The following TMC6 variants were observed in gnomAD, a reference collection of about 807,000 sequenced individuals.
The protein encoded by TMC6 is transmembrane channel like 6.
TMC6 carries 71 observed loss-of-function variants against 95.4 expected under a neutral mutation model. That is an observed-to-expected ratio of 0.74 (90% CI 0.61 to 0.91). TMC6 has a LOEUF of 0.91. Among genes scored for constraint, TMC6 ranks in the 40% least tolerant of loss-of-function variants. The pLI, the probability that TMC6 is intolerant of heterozygous loss-of-function variation, is 0.00. For synonymous variants in TMC6, 514 were observed against 483.1 expected (o/e 1.06, Z -0.84); for missense variants, 1,074 against 1,079.1 (o/e 1.00, Z 0.07).
intron 9 of TMC6, among the ~76,000 whole-genome samples, chr17:78,123,612 A>AATGGGTGGATGGGTGG (rs202143281): frequency 6.5e-5 from 7 of 107,050 alleles, no homozygotes; most frequent in Admixed American, 3.9e-4. Context: ...TGAATGGATG[A>AATGGGTGGATGGGTGG]ATGGGTGGAT....
chr17:78,115,299 C>G (rs1001470113), intron 18 of TMC6, among the ~76,000 whole-genome samples: 1 of 152,232 alleles, frequency 6.6e-6, no homozygotes, highest in Non-Finnish European at 1.5e-5. Flanking sequence ...CCTTGGCAGA[C>G]GCCAGCCGCT....
Position 78,112,946 on chromosome 17 carries a change from T to C in TMC6, c.*202A>G. 1.6e-6 allele frequency: 1 copy of C among 625,790 alleles called. No homozygotes were observed. Among genetic ancestry groups the C allele is most frequent in the South Asian group, 1.9e-5 (1 of 53,210 alleles). The allele number at this position is 625,790 out of a possible 1,614,324, so 38.8% of individuals were successfully genotyped here. On this transcript the variant is annotated 3_prime_UTR_variant, in exon 20 of 20. Coordinates refer to ENST00000590602, the MANE Select transcript of TMC6 (RefSeq NM_001127198.5). ...ATTTGCAAAACCCCTTTAATCAGAA[T>C]AAATAGAGTCCCAGGCAGGGCAGAG...
At position 78,113,260 on chromosome 17, in the gene TMC6, C is replaced by T. The variant is rs752638433; in HGVS notation, c.2355-49G>A. On this transcript the variant is annotated intron_variant, in intron 19 of 19. Coordinates refer to ENST00000590602, the MANE Select transcript of TMC6 (RefSeq NM_001127198.5). ...GGGGACCCCATAAACATCAACATCC[C>T]TGCAACCTGGCTGGGCGCAGCCAAG... 13 of 1,535,754 alleles carry T rather than the reference C, an allele frequency of 8.5e-6. No homozygotes were observed. In the Middle Eastern group the frequency reaches 5.1e-4, roughly 60 times the overall value.
chr17:78,117,967 C>A (rs748168635), intron 15 of TMC6, 32 bp from the exon 16 acceptor site: 1 of 1,582,034 alleles, frequency 6.3e-7, no homozygotes, highest in East Asian at 2.3e-5. Context: ...TGCCACCATC[C>A]TGCTACCCCT....
In TMC6 at chr17:78,117,454, C is replaced by T. The variant is rs2074183592; in HGVS notation, c.2198+14G>A. ...GGCCATCTCCCCAGGGCCGCCCCCACCTGCGGGACTCACAGCAGCAGGGCT... is the reference window on the plus strand; with the variant it reads ...GGCCATCTCCCCAGGGCCGCCCCCATCTGCGGGACTCACAGCAGCAGGGCT... On this transcript the variant is annotated intron_variant, in intron 17 of 19. Coordinates refer to ENST00000590602, the MANE Select transcript of TMC6 (RefSeq NM_001127198.5). 6.2e-7 allele frequency: 1 copy of T among 1,610,330 alleles called. No individual in the cohort carries two copies. The highest frequency in any genetic ancestry group is 1.1e-5 in the South Asian group (1 of 90,898).
rs981385297 is a variant in TMC6 at position 78,121,217 on chromosome 17, C to T, written c.1384-53G>A. On this transcript the variant is annotated intron_variant, in intron 11 of 19. Coordinates refer to ENST00000590602, the MANE Select transcript of TMC6 (RefSeq NM_001127198.5). The surrounding 1 kb of genome is among the most constrained non-coding windows in gnomAD (Gnocchi z 5.6). Reference sequence around the variant, plus strand: ...GGAAGCCCCCCATCCATGGTGGGAGCGGGCAGCTACAGGGAAGGGCCCGGG... The same window carrying T: ...GGAAGCCCCCCATCCATGGTGGGAGTGGGCAGCTACAGGGAAGGGCCCGGG... 118 of 1,546,872 alleles carry T rather than the reference C, an allele frequency of 7.6e-5. No individual in the cohort carries two copies. The East Asian group carries it at 2.3e-3, about 30-fold the overall frequency.
Position 78,126,579 on chromosome 17 carries a change from G to A in TMC6, c.126C>T (p.Ser42=). The A allele has an allele frequency of 1.2e-6, 2 of 1,613,792 alleles. No individual in the cohort carries two copies. Among genetic ancestry groups the A allele is most frequent in the Non-Finnish European group, 1.7e-6 (2 of 1,180,004 alleles). Residue 42 remains serine, a synonymous_variant, in exon 3 of 20, where the codon AGC becomes AGT. Transcript: ENST00000590602. The stretch of plus-strand genomic sequence containing the variant: ...CCAGCCCCTCCTGGGCCGTGCACTG[G>A]CTCTGCTCCTGGATGAGCTGCTGGA... ...DSFQQLIQEQ[S]QCTAQEGLEL... is the part of the protein sequence containing the mutation.
At chr17:78,116,970 CAG>C (rs964747260) in intron 18 of TMC6, among the ~76,000 whole-genome samples, 2 of 152,210 alleles carry the variant, frequency 1.3e-5, no homozygotes, top group African/African-American at 4.8e-5. Flanking sequence ...AAAATCCTCA[CAG>C]AGACTGTCTA....
Position 78,118,001 on chromosome 17 carries a change from G to A in TMC6, c.1888-66C>T, listed in dbSNP as rs2074219590. 4.5e-6 allele frequency: 7 copies of A among 1,556,878 alleles called. No homozygotes were observed. The East Asian group carries it at 1.6e-4, about 37-fold the overall frequency. On this transcript the variant is annotated intron_variant, in intron 15 of 19. Transcript: ENST00000590602. The stretch of plus-strand genomic sequence containing the variant: ...CTCAGCACCCCTCCAAGCCCTGGGG[G>A]AGCTCAAGAGGGAAGGGCGACCAGG...
At chr17:78,126,070 T>G in intron 4 of TMC6, 186 bp from the exon 5 acceptor site, 2 of 1,124,756 alleles carry the variant, frequency 1.8e-6, no homozygotes, top group Non-Finnish European at 2.5e-6. Context: ...TCTGGAGTCA[T>G]TTTTGGAGCC....
intron 18 of TMC6, among the ~76,000 whole-genome samples, chr17:78,115,633 C>G (rs568276783): frequency 2.1e-5 from 3 of 144,762 alleles, no homozygotes; most frequent in African/African-American, 8.1e-5. Flanking sequence ...AGGGAGTGGG[C>G]ACAGGGGCGA....
In TMC6 at chr17:78,117,529, A is replaced by AGG; in HGVS notation, c.2135_2136dup (p.Trp713ProfsTer7). The AGG allele has an allele frequency of 1.2e-6, 2 of 1,603,638 alleles. No individual in the cohort carries two copies. The highest frequency in any genetic ancestry group is 2.2e-5 in the South Asian group (2 of 89,908). On this transcript the variant is annotated frameshift_variant, in exon 17 of 20. Coordinates refer to ENST00000590602, the MANE Select transcript of TMC6 (RefSeq NM_001127198.5). LOFTEE classifies it high-confidence loss of function. ...TTTTCCATCAGGTACCGGTGCACCC[A>AGG]GGGCAGCCAGGAGACCCTGGGGCCT...
chr17:78,121,005 C>T lies in TMC6; in HGVS notation c.1535+8G>A. The T allele has an allele frequency of 3.1e-6, 5 of 1,613,330 alleles. No individual in the cohort carries two copies. The highest frequency in any genetic ancestry group is 3.4e-6 in the Non-Finnish European group (4 of 1,180,012). On this transcript the variant is annotated splice_region_variant and intron_variant, in intron 12 of 19. Transcript: ENST00000590602. The surrounding 1 kb of genome is among the most constrained non-coding windows in gnomAD (Gnocchi z 5.6). ...CACCAAATGATGTTTTCATGTGCGG[C>T]CACACACCTGCAGATGGCCACGTAC...
At chr17:78,115,079 C>T (rs2073993939) in intron 18 of TMC6, among the ~76,000 whole-genome samples, 1 of 152,262 alleles carries the variant, frequency 6.6e-6, no homozygotes, top group African/African-American at 2.4e-5. Context: ...AGATGCCAGG[C>T]TTTCAGCTCT....
rs778567720 is a variant in TMC6 at position 78,113,603 on chromosome 17, A to G, written c.2299T>C (p.Leu767=). 5.5e-5 allele frequency: 88 copies of G among 1,613,914 alleles called. No homozygotes were observed. The highest frequency in any genetic ancestry group is 7.0e-5 in the Non-Finnish European group (83 of 1,180,012). The change falls in exon 19 of 20, where the codon TTA becomes CTA. Residue 767 remains leucine, a synonymous_variant. Transcript: ENST00000590602. ...ISNEGEDKIF[L]INKLHSIYER... ...TAGATGGAGTGAAGCTTGTTGATTA[A>G]GAAGATTTTGTCCTCACCCTCCTAG...
chr17:78,114,424 G>A (rs749459849), intron 18 of TMC6, among the ~76,000 whole-genome samples: 3 of 152,134 alleles, frequency 2.0e-5, no homozygotes, highest in Non-Finnish European at 4.4e-5. Flanking sequence ...GCCACGCAAC[G>A]TAACGTATTC....
chr17:78,113,965 T>C, intron 18 of TMC6: 1 of 385,062 alleles, frequency 2.6e-6, no homozygotes, highest in African/African-American at 2.1e-5. Flanking sequence ...GCAGCATCTG[T>C]AAAGGGGGAT....
In TMC6 at chr17:78,120,693, G is replaced by A; in HGVS notation, c.1675C>T (p.Leu559Phe). The change falls in exon 13 of 20, where the codon CTC (leucine) becomes TTC (phenylalanine). Residue 559 changes from leucine to phenylalanine, a missense_variant. Physicochemically the swap from Leu to Phe is conservative, Grantham distance 22 (BLOSUM62 0). Coordinates refer to ENST00000590602, the MANE Select transcript of TMC6 (RefSeq NM_001127198.5). ...LYRFLVMDFV[L>F]MLLDTLFGEL... is the part of the protein sequence containing the mutation. Reference sequence around the variant, plus strand: ...CCAAAAAGCGTGTCCAGCAACATGAGGACGAAGTCCATCACCAGGAACCGG... The same window carrying A: ...CCAAAAAGCGTGTCCAGCAACATGAAGACGAAGTCCATCACCAGGAACCGG... 6.2e-7 allele frequency: 1 copy of A among 1,613,978 alleles called. No individual in the cohort carries two copies. The highest frequency in any genetic ancestry group is 8.5e-7 in the Non-Finnish European group (1 of 1,180,028).
chr17:78,129,209 G>A (rs1054182728), upstream of TMC6, among the ~76,000 whole-genome samples: 2 of 151,940 alleles, frequency 1.3e-5, no homozygotes, highest in Non-Finnish European at 2.9e-5. This position sits in a 1 kb window ranked among gnomAD's most constrained non-coding sequence, Gnocchi z 4.3. Context: ...ACACCTGGGC[G>A]GGGTTCATTG....
Sources: allele counts gnomAD v4.1 joint callset (sites outside exome capture counted in the v4.1 genomes callset), GRCh38; gene constraint gnomAD v4.1.1; non-coding constraint Gnocchi (gnomAD v3.1); transcripts MANE v1.5; gene names NCBI Gene and HGNC (gene_info 2026-07-23, HGNC 2026-07-21).